Variants in SEC24D observed in about 807,000 individuals in gnomAD.
SEC24D encodes the protein protein transport protein Sec24D.
In SEC24D, 69 loss-of-function variants were observed where a neutral mutation model predicts 116.9. The ratio of observed to expected loss-of-function variants is 0.59; its 90% CI spans 0.49 to 0.72. The LOEUF is 0.72. Among genes scored for constraint, SEC24D ranks in the 30% least tolerant of loss-of-function variants. SEC24D has a pLI of 0.00. For synonymous variants in SEC24D, 405 were observed against 442.8 expected, an observed-to-expected ratio of 0.91 and a Z score of 1.07; for missense variants, 1,131 against 1,264.1, an observed-to-expected ratio of 0.89 and a Z score of 1.60.
At chr4:118,820,263 C>T (rs1730342799) in intron 3 of SEC24D, among the ~76,000 whole-genome samples, 1 of 151,430 alleles carries the variant, frequency 6.6e-6, no homozygotes, top group South Asian at 2.1e-4. Flanking sequence ...TCACTGCAAC[C>T]TCCACCTCCC....
chr4:118,782,066 C>T (rs994605111), intron 8 of SEC24D, among the ~76,000 whole-genome samples: 10 of 152,220 alleles, frequency 6.6e-5, no homozygotes, highest in Non-Finnish European at 1.5e-4. Context: ...TTATTACTGA[C>T]CTCCTAAAGC....
chr4:118,731,483 T>G lies in SEC24D; in HGVS notation c.2701A>C (p.Met901Leu). The change falls in exon 21 of 23, where the codon ATG (methionine) becomes CTG (leucine). Residue 901 changes from methionine (M) to leucine (L), a missense_variant. Transcript: ENST00000280551. ...GAGCAACGAACGGCAGCAGGTAACATTGTACTCTTGACATCTAACGTGTGC... is the reference window on the plus strand; with the variant it reads ...GAGCAACGAACGGCAGCAGGTAACAGTGTACTCTTGACATCTAACGTGTGC... ...PIHTLDVKST[M>L]LPAAVRCSES... 6.2e-7 allele frequency: 1 copy of G among 1,614,084 alleles called. No individual in the cohort carries two copies. Among genetic ancestry groups the G allele is most frequent in the Non-Finnish European group, 8.5e-7 (1 of 1,179,968 alleles).
intron 12 of SEC24D, among the ~76,000 whole-genome samples, chr4:118,752,380 A>G (rs1320663640): frequency 6.6e-6 from 1 of 152,226 alleles, no homozygotes; most frequent in Non-Finnish European, 1.5e-5. Flanking sequence ...TTCAGTTATT[A>G]CCATCATCAT....
intron 11 of SEC24D, among the ~76,000 whole-genome samples, chr4:118,753,488 G>A (rs1726935811): frequency 6.6e-6 from 1 of 151,950 alleles, no homozygotes; most frequent in African/African-American, 2.4e-5. Context: ...CAGTGTAATT[G>A]TTATTAGGTG....
At chr4:118,767,194 G>A (rs552876112) in intron 9 of SEC24D, among the ~76,000 whole-genome samples, 2 of 152,332 alleles carry the variant, frequency 1.3e-5, no homozygotes, top group South Asian at 4.1e-4. Flanking sequence ...GCCATGGACT[G>A]TGTGTGTGCG....
intron 21 of SEC24D, chr4:118,730,477 C>T (rs930353548): frequency 2.6e-5 from 4 of 152,156 alleles, no homozygotes; most frequent in African/African-American, 4.8e-5. Flanking sequence ...ATAAACTGTA[C>T]TTCATACAAT....
intron 10 of SEC24D, among the ~76,000 whole-genome samples, chr4:118,760,221 C>CTTA (rs1295921347): frequency 6.6e-6 from 1 of 152,208 alleles, no homozygotes; most frequent in African/African-American, 2.4e-5. Flanking sequence ...AGTTCAGTGG[C>CTTA]ATTAAGTGCA....
At chr4:118,796,155 A>G (rs1419901165) in intron 8 of SEC24D, among the ~76,000 whole-genome samples, 2 of 152,232 alleles carry the variant, frequency 1.3e-5, no homozygotes, top group Non-Finnish European at 2.9e-5. Context: ...ATAGGTGTTC[A>G]CTATGAAATC....
chr4:118,833,407 C>T (rs1730959059), intron 2 of SEC24D, 172 bp downstream of exon 2: 1 of 508,460 alleles, frequency 2.0e-6, no homozygotes, highest in African/African-American at 2.0e-5. Flanking sequence ...AATAACCAAA[C>T]TAGTGATGTA....
At chr4:118,796,567 T>C (rs904233458) in intron 8 of SEC24D, among the ~76,000 whole-genome samples, 1 of 152,152 alleles carries the variant, frequency 6.6e-6, no homozygotes, top group African/African-American at 2.4e-5. Context: ...ATAAGGACAG[T>C]GAGTGAAGAT....
At chr4:118,767,864 G>A (rs1259190008) in intron 9 of SEC24D, among the ~76,000 whole-genome samples, 1 of 152,124 alleles carries the variant, frequency 6.6e-6, no homozygotes, top group Non-Finnish European at 1.5e-5. Flanking sequence ...ATCATAAGAG[G>A]TAAAAATCTT....
At chr4:118,792,181 C>A (rs1273885263) in intron 8 of SEC24D, among the ~76,000 whole-genome samples, 3 of 152,006 alleles carry the variant, frequency 2.0e-5, no homozygotes, top group Admixed American at 6.5e-5. Flanking sequence ...CGCCGCCACC[C>A]CGTCTGGGAG....
intron 19 of SEC24D, among the ~76,000 whole-genome samples, chr4:118,737,773 G>A (rs1360286051): frequency 6.6e-6 from 1 of 151,118 alleles, no homozygotes; most frequent in Non-Finnish European, 1.5e-5. Context: ...GATGGAGAGA[G>A]TCAATTCTTT....
In SEC24D at chr4:118,821,530, CATT is replaced by C. The variant is rs1246431530; in HGVS notation, c.248+3087_248+3089del. Among the ~76,000 whole-genome samples, 5 of 151,652 alleles carry C rather than the reference CATT, an allele frequency of 3.3e-5. No individual in the cohort carries two copies. The East Asian group carries it at 5.8e-4, about 18-fold the overall frequency. On this transcript the variant is annotated intron_variant, in intron 3 of 22. Transcript: ENST00000280551. ...GGTATGATTTTTAAATTTTATAAAA[CATT>C]ATATTTAAAAAGCAGTATTTTAAAG...
chr4:118,725,206 C>G, intron 22 of SEC24D, among the ~76,000 whole-genome samples: 1 of 152,206 alleles, frequency 6.6e-6, no homozygotes, highest in East Asian at 1.9e-4. Context: ...ATGTGTGATG[C>G]CTTGGCTTTT....
At chr4:118,834,659 A>G (rs1387795035) in intron 1 of SEC24D, among the ~76,000 whole-genome samples, 2 of 152,204 alleles carry the variant, frequency 1.3e-5, no homozygotes, top group Non-Finnish European at 2.9e-5. Flanking sequence ...TATGTCTGCC[A>G]TACTTAACTG....
intron 8 of SEC24D, among the ~76,000 whole-genome samples, chr4:118,786,569 A>T (rs1254222045): frequency 6.6e-6 from 1 of 152,208 alleles, no homozygotes; most frequent in Non-Finnish European, 1.5e-5. Context: ...AATCCCTTCA[A>T]TTCTAAGAGA....
intron 8 of SEC24D, among the ~76,000 whole-genome samples, chr4:118,772,129 C>A (rs957074612): frequency 4.6e-5 from 7 of 152,036 alleles, no homozygotes; most frequent in African/African-American, 1.7e-4. Context: ...TTTGTTTTGG[C>A]ATCTATATTA....
At chr4:118,828,313 G>A (rs997521372) in intron 2 of SEC24D, among the ~76,000 whole-genome samples, 1 of 152,078 alleles carries the variant, frequency 6.6e-6, no homozygotes, top group African/African-American at 2.4e-5. Context: ...GTTTCACCAT[G>A]TTAGCCAGGG....
Sources: gnomAD v4.1 joint callset for allele counts (sites outside exome capture counted in the v4.1 genomes callset) on GRCh38, gnomAD v4.1.1 for gene constraint, MANE v1.5 for transcripts, NCBI Gene and HGNC (gene_info 2026-07-23, HGNC 2026-07-21) for gene names.